GNB1: variants seen among roughly 807,000 people sequenced by gnomAD.
GNB1 encodes the protein G protein subunit beta 1, also known as guanine nucleotide-binding protein G(I)/G(S)/G(T) subunit beta-1.
In GNB1, 2 loss-of-function variants were observed where a neutral mutation model predicts 42.9. That is an observed-to-expected ratio of 0.05 (90% CI 0.02 to 0.15). The LOEUF (loss-of-function observed/expected upper bound fraction) is 0.15. Ranked by LOEUF, GNB1 falls within the 10% of genes least tolerant of loss-of-function variation. GNB1 has a pLI of 1.00. For missense variants in GNB1, 193 were observed against 462.2 expected (o/e 0.42, Z 5.34); for synonymous variants, 183 against 174.7 (o/e 1.05, Z -0.38).
intron 1 of GNB1, among the ~76,000 whole-genome samples, chr1:1,848,084 G>A (rs1038800163): frequency 2.0e-5 from 3 of 152,116 alleles, no homozygotes; most frequent in Middle Eastern, 3.4e-3. Context: ...CTTTTTTAGA[G>A]AAATGAAAAA....
intron 2 of GNB1, among the ~76,000 whole-genome samples, chr1:1,831,220 C>T (rs1647071345): frequency 6.6e-6 from 1 of 151,972 alleles, no homozygotes; most frequent in African/African-American, 2.4e-5. Context: ...GCCTGTAGTC[C>T]TACCTACTTG....
intron 5 of GNB1, among the ~76,000 whole-genome samples, chr1:1,808,813 T>C (rs1447896780): frequency 6.6e-6 from 1 of 152,094 alleles, no homozygotes; most frequent in Non-Finnish European, 1.5e-5. Flanking sequence ...CTGGCTAATT[T>C]TTGTATTTTT....
chr1:1,785,758 T>C lies in GNB1; in HGVS notation c.*1305A>G, dbSNP rs960801452. The C allele has an allele frequency of 1.0e-4, 34 of 338,796 alleles. No homozygotes were observed. The highest frequency in any genetic ancestry group is 1.5e-4 in the Non-Finnish European group (29 of 189,312). 21.0% of individuals were successfully genotyped at this position (338,796 alleles called of 1,614,324 possible). A position where few individuals can be genotyped will look rare whatever the true frequency, so the allele number is the denominator to read the frequency against. On this transcript the variant is annotated 3_prime_UTR_variant, in exon 12 of 12. Transcript: ENST00000378609. ...TTCACTCCCTCTCCCTCCCTCTCTC[T>C]CCCTCCCCACCCTCAGAATCCAACA...
chr1:1,801,437 G>GTGA (rs1164531107), intron 7 of GNB1, among the ~76,000 whole-genome samples: 2 of 152,210 alleles, frequency 1.3e-5, no homozygotes, highest in African/African-American at 4.8e-5. Flanking sequence ...ACACACAGGT[G>GTGA]TGATGCATAT....
intron 1 of GNB1, among the ~76,000 whole-genome samples, chr1:1,875,832 C>T (rs1342493497): frequency 1.0e-4 from 2 of 19,920 alleles, no homozygotes; most frequent in African/African-American, 6.5e-4. Context: ...GCAGGTTCAA[C>T]AGTGTCCCCC....
Position 1,793,238 on chromosome 1 carries a change from T to C in GNB1, c.497+7A>G, listed in dbSNP as rs1172965316. ...AAGGCACTGCCTGCCCCGGGTCAGGTACTTACCACGTGGTGTCTCCAGAGC... is the reference window on the plus strand; with the variant it reads ...AAGGCACTGCCTGCCCCGGGTCAGGCACTTACCACGTGGTGTCTCCAGAGC... On this transcript the variant is annotated splice_region_variant and intron_variant, in intron 8 of 11. Coordinates refer to ENST00000378609, the MANE Select transcript of GNB1 (RefSeq NM_002074.5). The C allele has an allele frequency of 6.9e-6, 11 of 1,605,108 alleles. No homozygotes were observed. The highest frequency in any genetic ancestry group is 4.5e-5 in the East Asian group (2 of 44,808).
intron 1 of GNB1, among the ~76,000 whole-genome samples, chr1:1,853,049 C>T (rs1263226939): frequency 1.3e-5 from 2 of 152,112 alleles, no homozygotes; most frequent in Non-Finnish European, 2.9e-5. Context: ...TGCTGGCAGT[C>T]CCTCCCAGCT....
At position 1,791,778 on chromosome 1, in the gene GNB1, G is replaced by C. The variant is rs866813024; in HGVS notation, c.498-1182C>G. Among the ~76,000 whole-genome samples the C allele has an allele frequency of 3.3e-5, 5 of 152,176 alleles. No homozygotes were observed. The South Asian group carries it at 8.3e-4, about 25-fold the overall frequency. ...GGCCTGAGGGACTGACTGCAGAAGG[G>C]AAGCAAGATACGTAAAAGAGTCTGA... is the stretch of plus-strand genomic sequence containing the variant. On this transcript the variant is annotated intron_variant, in intron 8 of 11. Coordinates refer to ENST00000378609, the MANE Select transcript of GNB1 (RefSeq NM_002074.5).
rs890907072 is a variant in GNB1 at position 1,785,823 on chromosome 1, TAAAG to T, written c.*1236_*1239del. 1.5e-3 allele frequency: 411 copies of T among 283,100 alleles called. 6 individuals carry two copies. The highest frequency in any genetic ancestry group is 1.9e-3 in the Admixed American group (36 of 18,762). The allele number at this position is 283,100 out of a possible 1,614,324, so 17.5% of individuals were successfully genotyped here. A position where few individuals can be genotyped will look rare whatever the true frequency, so the allele number is the denominator to read the frequency against. On this transcript the variant is annotated 3_prime_UTR_variant, in exon 12 of 12. Transcript: ENST00000378609. ...CAGAACTTTTTTTTTTTTAAAGAAA[TAAAG>T]AAAACAGTGACTTATCCCGCTACCC...
intron 2 of GNB1, among the ~76,000 whole-genome samples, chr1:1,829,958 T>C (rs537014140): frequency 6.6e-6 from 1 of 151,940 alleles, no homozygotes; most frequent in African/African-American, 2.4e-5. Context: ...CAGGCTGGTC[T>C]TGAACTCCTG....
chr1:1,856,249 C>G (rs1453677198), intron 1 of GNB1, among the ~76,000 whole-genome samples: 3 of 152,142 alleles, frequency 2.0e-5, no homozygotes, highest in African/African-American at 7.2e-5. Context: ...TTCAAACTCT[C>G]AGCCTCAAGT....
intron 7 of GNB1, among the ~76,000 whole-genome samples, chr1:1,797,242 AT>A (rs1173792659): frequency 6.6e-6 from 1 of 152,156 alleles, no homozygotes; most frequent in Non-Finnish European, 1.5e-5. Flanking sequence ...AACTGCCTAA[AT>A]GTCTCACAAT....
chr1:1,861,011 G>A (rs1648593583), intron 1 of GNB1, among the ~76,000 whole-genome samples: 1 of 149,306 alleles, frequency 6.7e-6, no homozygotes, highest in South Asian at 2.1e-4. Flanking sequence ...GGGAGGCTGA[G>A]ACAAGAGAAT....
At chr1:1,855,424 G>C (rs556773607) in intron 1 of GNB1, among the ~76,000 whole-genome samples, 3 of 151,862 alleles carry the variant, frequency 2.0e-5, no homozygotes, top group Non-Finnish European at 2.9e-5. Flanking sequence ...ACTCCCGGCC[G>C]GGCGCGGTGG....
chr1:1,862,844 C>T (rs1272653851), intron 1 of GNB1, among the ~76,000 whole-genome samples: 4 of 152,152 alleles, frequency 2.6e-5, no homozygotes, highest in African/African-American at 2.4e-5. Context: ...AGGTATTACA[C>T]GTAGGCATCA....
chr1:1,833,989 G>A (rs933632886), intron 2 of GNB1, among the ~76,000 whole-genome samples: 4 of 152,124 alleles, frequency 2.6e-5, no homozygotes, highest in Admixed American at 6.6e-5. Flanking sequence ...CAGGACAGAC[G>A]ACCAGGCAGG....
chr1:1,819,283 G>A (rs1213028394), intron 3 of GNB1, among the ~76,000 whole-genome samples: 10 of 151,152 alleles, frequency 6.6e-5, no homozygotes, highest in African/African-American at 2.2e-4. Flanking sequence ...GTGCTGTGTC[G>A]CGATCTCAGC....
rs200884371 is a variant in GNB1 at position 1,884,132 on chromosome 1, A to AT, written c.-96+6687dup. Among the ~76,000 whole-genome samples, 223 of 137,070 alleles carry AT rather than the reference A, an allele frequency of 1.6e-3. 2 individuals are homozygous for AT. The highest frequency in any genetic ancestry group is 3.8e-3 in the Middle Eastern group (1 of 262). The allele number at this position is 137,070 out of a possible 152,430, so 89.9% of individuals were successfully genotyped here. A position where few individuals can be genotyped will look rare whatever the true frequency, so the allele number is the denominator to read the frequency against. ...AGGCATGTGCCACCATGCCCGACTA[A>AT]TTTTTTTTTTTTTTTTGAGATGGAG... On this transcript the variant is annotated intron_variant, in intron 1 of 11. Transcript: ENST00000378609.
intron 2 of GNB1, among the ~76,000 whole-genome samples, chr1:1,829,337 G>A (rs1032528011): frequency 1.2e-4 from 19 of 152,134 alleles, no homozygotes; most frequent in African/African-American, 3.1e-4. Flanking sequence ...TTACAGGTAT[G>A]AGCCATCATG....
Sources: allele counts gnomAD v4.1 joint callset (sites outside exome capture counted in the v4.1 genomes callset), GRCh38; gene constraint gnomAD v4.1.1; transcripts MANE v1.5; gene names NCBI Gene and HGNC (gene_info 2026-07-23, HGNC 2026-07-21).